DAPP1: variants seen among roughly 807,000 people sequenced by gnomAD.
The protein encoded by DAPP1 is dual adapter for phosphotyrosine and 3-phosphotyrosine and 3-phosphoinositide.
DAPP1 carries 20 observed loss-of-function variants against 41.5 expected under a neutral mutation model. The observed-to-expected ratio is 0.48, with a 90% CI of 0.34 to 0.70. The LOEUF is 0.70. DAPP1 is among the 30% of genes least tolerant of loss of function. DAPP1 has a pLI of 0.01. For synonymous variants in DAPP1, 113 were observed against 116.2 expected (o/e 0.97, Z 0.18); for missense variants, 233 against 333.4 (o/e 0.70, Z 2.35).
chr4:99,861,871 A>G (rs1316267879), intron 5 of DAPP1, among the ~76,000 whole-genome samples: 1 of 152,248 alleles, frequency 6.6e-6, no homozygotes, highest in Non-Finnish European at 1.5e-5. Flanking sequence ...TCAATAAAAC[A>G]TAGTCCTCAT....
chr4:99,853,152 C>T, intron 3 of DAPP1, 66 bp from the exon 4 acceptor site: 1 of 1,574,268 alleles, frequency 6.4e-7, no homozygotes, highest in South Asian at 1.1e-5. Context: ...CCACAGTTAT[C>T]CAGTTAGCAT....
chr4:99,830,705 G>A (rs1723092886), intron 1 of DAPP1, among the ~76,000 whole-genome samples: 1 of 151,970 alleles, frequency 6.6e-6, no homozygotes, highest in Admixed American at 6.6e-5. Flanking sequence ...ATATCTCCCT[G>A]AACAACTGCG....
At chr4:99,851,543 T>G (rs1262383735) in intron 3 of DAPP1, among the ~76,000 whole-genome samples, 1 of 136,528 alleles carries the variant, frequency 7.3e-6, no homozygotes. Context: ...AGTTTTTTTT[T>G]TTTTTTTTTT....
intron 1 of DAPP1, among the ~76,000 whole-genome samples, chr4:99,830,249 G>A (rs760993607): frequency 2.6e-5 from 4 of 152,096 alleles, no homozygotes; most frequent in Non-Finnish European, 5.9e-5. Flanking sequence ...CAGGCATGGT[G>A]GCACATGCCT....
At chr4:99,822,619 C>T (rs752696628) in intron 1 of DAPP1, among the ~76,000 whole-genome samples, 1 of 152,080 alleles carries the variant, frequency 6.6e-6, no homozygotes, top group Non-Finnish European at 1.5e-5. Context: ...GAACTCAGAC[C>T]CACCCAGTCC....
At chr4:99,836,342 G>C (rs891723354) in intron 2 of DAPP1, among the ~76,000 whole-genome samples, 2 of 152,126 alleles carry the variant, frequency 1.3e-5, no homozygotes, top group African/African-American at 2.4e-5. Flanking sequence ...CCTTCTTTCT[G>C]TCTGGTGCCC....
chr4:99,858,443 A>G (rs1317396282), intron 4 of DAPP1, among the ~76,000 whole-genome samples: 2 of 152,238 alleles, frequency 1.3e-5, no homozygotes, highest in Non-Finnish European at 2.9e-5. Flanking sequence ...GTCTTCTCAG[A>G]TGGAACACAA....
At chr4:99,861,384 T>A (rs1724231340) in intron 4 of DAPP1, among the ~76,000 whole-genome samples, 194 bp from the exon 5 acceptor site, 2 of 152,216 alleles carry the variant, frequency 1.3e-5, no homozygotes, top group African/African-American at 4.8e-5. Flanking sequence ...AGCTACAGAA[T>A]GATGCCAGTA....
At chr4:99,839,838 G>T (rs2110146879) in intron 2 of DAPP1, among the ~76,000 whole-genome samples, 1 of 152,312 alleles carries the variant, frequency 6.6e-6, no homozygotes, top group Non-Finnish European at 1.5e-5. Context: ...GAGGCAGGAG[G>T]ATCACCTGAG....
chr4:99,829,408 A>AG (rs979453407), intron 1 of DAPP1, among the ~76,000 whole-genome samples: 1 of 146,874 alleles, frequency 6.8e-6, no homozygotes, highest in African/African-American at 2.5e-5. Context: ...TGAACCCGGG[A>AG]GGTGGAGGTT....
At chr4:99,859,527 A>G (rs184009434) in intron 4 of DAPP1, among the ~76,000 whole-genome samples, 32 of 152,282 alleles carry the variant, frequency 2.1e-4, no homozygotes, top group African/African-American at 7.7e-4. Context: ...AGTTCACAAC[A>G]ATGCTTCCAA....
intron 8 of DAPP1, chr4:99,866,640 C>A (rs1266190333): frequency 7.9e-6 from 6 of 762,694 alleles, no homozygotes; most frequent in South Asian, 2.7e-5. Flanking sequence ...TAAAACTTCA[C>A]CAATCTTCTA....
chr4:99,856,198 A>G (rs1259997541), intron 4 of DAPP1, among the ~76,000 whole-genome samples: 4 of 152,184 alleles, frequency 2.6e-5, no homozygotes, highest in Non-Finnish European at 5.9e-5. Flanking sequence ...CTGAGCTCAC[A>G]TTCTAGTGAA....
At chr4:99,860,234 A>T (rs1051042416) in intron 4 of DAPP1, among the ~76,000 whole-genome samples, 4 of 152,230 alleles carry the variant, frequency 2.6e-5, no homozygotes, top group Non-Finnish European at 5.9e-5. Context: ...TGGCTTACCT[A>T]TCAAAACCTT....
At chr4:99,843,700 A>G (rs139829303) in intron 3 of DAPP1, among the ~76,000 whole-genome samples, 2 of 152,338 alleles carry the variant, frequency 1.3e-5, no homozygotes, top group African/African-American at 4.8e-5. Context: ...ATTTTTCTCA[A>G]TGGCCCTTTT....
chr4:99,866,388 G>T (rs1475628688), intron 8 of DAPP1, among the ~76,000 whole-genome samples: 1 of 152,150 alleles, frequency 6.6e-6, no homozygotes, highest in Non-Finnish European at 1.5e-5. Context: ...CTTCCTATAA[G>T]GTGTGTCAGT....
intron 1 of DAPP1, among the ~76,000 whole-genome samples, chr4:99,823,528 G>C (rs1234632382): frequency 6.6e-6 from 1 of 152,090 alleles, no homozygotes; most frequent in Non-Finnish European, 1.5e-5. Flanking sequence ...TTTTGCTTTT[G>C]CTTTTTGGTA....
At chr4:99,842,937 C>T (rs1317737451) in intron 3 of DAPP1, among the ~76,000 whole-genome samples, 4 of 148,806 alleles carry the variant, frequency 2.7e-5, no homozygotes, top group African/African-American at 1.0e-4. Context: ...CTGCAAGCTC[C>T]GCCTCCCGGG....
In DAPP1 at chr4:99,840,570, T is replaced by C. The variant is rs1210226616; in HGVS notation, c.358+148T>C. The C allele has an allele frequency of 6.0e-6, 6 of 1,008,064 alleles. 1 individual carries two copies. The highest frequency in any genetic ancestry group is 1.7e-5 in the African/African-American group (1 of 60,232). 62.4% of individuals were successfully genotyped at this position (1,008,064 alleles called of 1,614,324 possible). On this transcript the variant is annotated intron_variant, in intron 3 of 8. Coordinates refer to ENST00000512369, the MANE Select transcript of DAPP1 (RefSeq NM_014395.3). ...AACAATGTATTTTGTATAAAGTAGATATTTTCTCAGAATGTGTTACTTAAT... is the reference window on the plus strand; with the variant it reads ...AACAATGTATTTTGTATAAAGTAGACATTTTCTCAGAATGTGTTACTTAAT...
Sources: allele counts gnomAD v4.1 joint callset (sites outside exome capture counted in the v4.1 genomes callset), GRCh38; gene constraint gnomAD v4.1.1; transcripts MANE v1.5; gene names NCBI Gene and HGNC (gene_info 2026-07-23, HGNC 2026-07-21).